CHDH: variants seen among roughly 807,000 people sequenced by gnomAD.
The protein encoded by CHDH is choline dehydrogenase, mitochondrial.
In CHDH, 43 loss-of-function variants were observed where a neutral mutation model predicts 56.9. The ratio of observed to expected loss-of-function variants is 0.76; its 90% CI spans 0.59 to 0.97. The LOEUF (loss-of-function observed/expected upper bound fraction) is 0.97, where lower values mean the gene tolerates loss of function less well. Among genes scored for constraint, CHDH ranks in the 50% least tolerant of loss-of-function variants. The pLI is 0.00. For synonymous variants in CHDH, 364 were observed against 348.5 expected (o/e 1.04, Z -0.50); for missense variants, 816 against 821.1 (o/e 0.99, Z 0.08).
In CHDH at chr3:53,817,497, T is replaced by C; in HGVS notation, c.*280A>G. The C allele has an allele frequency of 2.2e-6, 1 of 449,152 alleles. No individual in the cohort carries two copies. 27.8% of individuals were successfully genotyped at this position (449,152 alleles called of 1,614,324 possible). ...AGGATGCGGCAGGAGTTAACCATCCTCCCCTTCTGTCCCTCCAGGAGGCAG... is the reference window on the plus strand; with the variant it reads ...AGGATGCGGCAGGAGTTAACCATCCCCCCCTTCTGTCCCTCCAGGAGGCAG... On this transcript the variant is annotated 3_prime_UTR_variant, in exon 9 of 9. Transcript: ENST00000315251.
In CHDH at chr3:53,820,608, CCT is replaced by C. The variant is rs2095624420; in HGVS notation, c.986-2_986-1del. Reference sequence around the variant, plus strand: ...GTGGTCTTGCAGGTTCTGGCCAACCCCTGATACGGGAAGGAGTGGTTTAGAAA... The same window carrying C: ...GTGGTCTTGCAGGTTCTGGCCAACCCGATACGGGAAGGAGTGGTTTAGAAA... On this transcript the variant is annotated splice_acceptor_variant, in intron 5 of 8. Transcript: ENST00000315251. LOFTEE classifies it high-confidence loss of function. 1 of 1,610,704 alleles carries C rather than the reference CCT, an allele frequency of 6.2e-7. No homozygotes were observed. The highest frequency in any genetic ancestry group is 1.7e-5 in the Admixed American group (1 of 59,474).
chr3:53,821,835 A>G, intron 4 of CHDH, 59 bp from the exon 5 acceptor site: 1 of 1,598,624 alleles, frequency 6.3e-7, no homozygotes, highest in Non-Finnish European at 8.5e-7. Context: ...TGACTCACAG[A>G]CCAGCGCCCT....
rs1303936419 is a variant in CHDH, at chr3:53,826,758, G to T, written c.-59-2691C>A. ...TGTACTGGAAGTCCTATCTAATGCAGTAAGACAAGAAAAGGAAAAGGTACA... is the reference window on the plus strand; with the variant it reads ...TGTACTGGAAGTCCTATCTAATGCATTAAGACAAGAAAAGGAAAAGGTACA... On this transcript the variant is annotated intron_variant, in intron 2 of 8. Transcript: ENST00000315251. Among the ~76,000 whole-genome samples, 4 of 152,318 alleles carry T rather than the reference G, an allele frequency of 2.6e-5. No homozygotes were observed. The East Asian group carries it at 7.7e-4, about 29-fold the overall frequency.
chr3:53,816,165 C>G lies in CHDH; in HGVS notation c.*1612G>C. 7.3e-6 allele frequency: 1 copy of G among 137,572 alleles called. No homozygotes were observed. Among genetic ancestry groups the G allele is most frequent in the Non-Finnish European group, 1.6e-5 (1 of 64,332 alleles). 8.5% of individuals were successfully genotyped at this position (137,572 alleles called of 1,614,324 possible). A position where few individuals can be genotyped will look rare whatever the true frequency, so the allele number is the denominator to read the frequency against. On this transcript the variant is annotated 3_prime_UTR_variant, in exon 9 of 9. Transcript: ENST00000315251. The stretch of plus-strand genomic sequence containing the variant: ...CCCCCCGCCCCAGTCTGTAAGCCGC[C>G]CCAATCCTCTCAGATCCGAGCAAAG...
chr3:53,841,139 T>C (rs998519890), intron 1 of CHDH, 140 bp from the exon 2 acceptor site: 3 of 152,220 alleles, frequency 2.0e-5, no homozygotes, highest in Admixed American at 6.5e-5. Context: ...CATTTTATTA[T>C]AACAATTTTC....
chr3:53,839,956 C>G (rs1298523284), intron 2 of CHDH, among the ~76,000 whole-genome samples: 1 of 152,110 alleles, frequency 6.6e-6, no homozygotes, highest in Admixed American at 6.6e-5. Flanking sequence ...GTGAAATAAG[C>G]CAAGCACAGA....
At position 53,833,344 on chromosome 3, in the gene CHDH, C is replaced by T. The variant is rs947382607; in HGVS notation, c.-60+7585G>A. Among the ~76,000 whole-genome samples the T allele has an allele frequency of 1.7e-4, 26 of 152,298 alleles. 1 individual carries two copies. The highest frequency in any genetic ancestry group is 6.3e-4 in the African/African-American group (26 of 41,568). ...CCAACACCTCCCCTTGATACTCCCACCCTCCCCACACAAGGGAGGGGCCTG... is the reference window on the plus strand; with the variant it reads ...CCAACACCTCCCCTTGATACTCCCATCCTCCCCACACAAGGGAGGGGCCTG... On this transcript the variant is annotated intron_variant, in intron 2 of 8. Transcript: ENST00000315251.
Position 53,818,047 on chromosome 3 carries a change from T to C in CHDH, c.1515A>G (p.Lys505=). 6.2e-7 allele frequency: 1 copy of C among 1,614,208 alleles called. No individual in the cohort carries two copies. The highest frequency in any genetic ancestry group is 8.5e-7 in the Non-Finnish European group (1 of 1,180,032). ...DKEIDAFVRA[K]ADSAYHPSCT... The stretch of plus-strand genomic sequence containing the variant: ...ACGAGGGGTGGTAGGCGCTGTCGGC[T>C]TTTGCCCGCACAAAGGCATCTATCT... The change falls in exon 9 of 9, where the codon AAA becomes AAG. Residue 505 remains lysine, a synonymous_variant. Transcript: ENST00000315251.
intron 2 of CHDH, among the ~76,000 whole-genome samples, chr3:53,826,014 T>A (rs2095638393): frequency 6.6e-6 from 1 of 151,936 alleles, no homozygotes; most frequent in Non-Finnish European, 1.5e-5. Flanking sequence ...ATAAATTAGA[T>A]GATAATTTAG....
intron 2 of CHDH, among the ~76,000 whole-genome samples, chr3:53,834,987 A>G (rs1034645890): frequency 2.4e-4 from 37 of 152,226 alleles, no homozygotes; most frequent in Admixed American, 2.4e-3. Flanking sequence ...GGACAAGGCC[A>G]ATGATAAATA....
intron 2 of CHDH, among the ~76,000 whole-genome samples, chr3:53,825,818 A>G (rs2095638056): frequency 6.6e-6 from 1 of 152,138 alleles, no homozygotes; most frequent in South Asian, 2.1e-4. Context: ...TAAAGAGAAA[A>G]TCATCACTGT....
chr3:53,822,741 T>C (rs560966771), intron 3 of CHDH, 99 bp from the exon 4 acceptor site: 3 of 1,415,918 alleles, frequency 2.1e-6, no homozygotes, highest in Admixed American at 2.1e-5. Flanking sequence ...TATGCCCAGC[T>C]CTGACTGCAA....
At chr3:53,842,054 G>C (rs1698685240) in intron 1 of CHDH, among the ~76,000 whole-genome samples, 1 of 151,912 alleles carries the variant, frequency 6.6e-6, no homozygotes, top group African/African-American at 2.4e-5. Flanking sequence ...TACTTCAGAG[G>C]GTTGCTTGAG....
chr3:53,832,513 C>T (rs915653856), intron 2 of CHDH, among the ~76,000 whole-genome samples: 11 of 151,680 alleles, frequency 7.3e-5, no homozygotes, highest in African/African-American at 2.7e-4. Flanking sequence ...GCCTGGGCGA[C>T]AGAGCGAGAC....
At chr3:53,829,340 A>G (rs539878033) in intron 2 of CHDH, among the ~76,000 whole-genome samples, 1 of 152,278 alleles carries the variant, frequency 6.6e-6, no homozygotes, top group Admixed American at 6.5e-5. Context: ...GTCCAAACCT[A>G]TAGAATGTGC....
intron 3 of CHDH, 130 bp from the exon 4 acceptor site, chr3:53,822,772 C>T: frequency 8.1e-7 from 1 of 1,234,166 alleles, no homozygotes. Context: ...CAAAGTAAAG[C>T]TGAGACGGAA....
At position 53,815,431 on chromosome 3, in the gene CHDH, G is replaced by A. The variant is rs896236987; in HGVS notation, c.*2346C>T. ...GGGGTGAATGAAAGACTCCCTTCAT[G>A]GCAGGGGAACGCTCAGGTTCTGGAC... On this transcript the variant is annotated 3_prime_UTR_variant, in exon 9 of 9. Coordinates refer to ENST00000315251, the MANE Select transcript of CHDH (RefSeq NM_018397.5). The A allele has an allele frequency of 1.3e-5, 2 of 152,206 alleles. No homozygotes were observed. Among genetic ancestry groups the A allele is most frequent in the African/African-American group, 4.8e-5 (2 of 41,438 alleles). 9.4% of individuals were successfully genotyped at this position (152,206 alleles called of 1,614,324 possible).
intron 2 of CHDH, 90 bp downstream of exon 2, chr3:53,840,839 T>TG (rs1698651059): frequency 2.0e-5 from 3 of 152,328 alleles, no homozygotes; most frequent in South Asian, 4.1e-4. Context: ...CCCAGAAGTT[T>TG]GGGGTGTTCT....
intron 6 of CHDH, 39 bp downstream of exon 6, chr3:53,820,435 T>C (rs758173947): frequency 3.8e-6 from 6 of 1,585,392 alleles, no homozygotes; most frequent in Admixed American, 1.7e-5. Context: ...TCAATGCTTA[T>C]AGGCAGTCTC....
Sources: allele counts gnomAD v4.1 joint callset (sites outside exome capture counted in the v4.1 genomes callset), GRCh38; gene constraint gnomAD v4.1.1; transcripts MANE v1.5; gene names NCBI Gene and HGNC (gene_info 2026-07-23, HGNC 2026-07-21).